Variants in FYB2 observed in about 807,000 individuals in gnomAD.
FYB2 encodes the protein FYN binding protein 2, also known as FYN-binding protein 2.
Under a neutral mutation model 94.1 loss-of-function variants are expected in FYB2, and 103 were observed. The ratio of observed to expected loss-of-function variants is 1.09; its 90% CI spans 0.93 to 1.29. The LOEUF is 1.29. Ranked by LOEUF, FYB2 falls within the 50% of genes most tolerant of loss-of-function variation. FYB2 has a pLI of 0.00. For synonymous variants in FYB2, 293 were observed against 287.9 expected (o/e 1.02, Z -0.18); for missense variants, 896 against 841.5 (o/e 1.06, Z -0.80).
intron 1 of FYB2, among the ~76,000 whole-genome samples, chr1:56,813,727 C>T (rs1199963233): frequency 1.3e-5 from 2 of 152,178 alleles, no homozygotes. Flanking sequence ...GTAGAATTAA[C>T]TGCACTTTGA....
intron 14 of FYB2, among the ~76,000 whole-genome samples, chr1:56,738,076 C>A (rs1004647879): frequency 6.6e-6 from 1 of 152,038 alleles, no homozygotes; most frequent in Admixed American, 6.6e-5. Flanking sequence ...TTGACAAATT[C>A]AATGTACTGA....
chr1:56,807,422 A>C (rs1646672958), intron 1 of FYB2, among the ~76,000 whole-genome samples: 1 of 152,180 alleles, frequency 6.6e-6, no homozygotes, highest in Non-Finnish European at 1.5e-5. Flanking sequence ...CAGGTTTTAC[A>C]GGTGTTAGAT....
At chr1:56,793,712 T>C (rs1646328312) in intron 1 of FYB2, among the ~76,000 whole-genome samples, 1 of 147,328 alleles carries the variant, frequency 6.8e-6, no homozygotes, top group Non-Finnish European at 1.5e-5. Flanking sequence ...CATGTGCCTG[T>C]ACTTCCTGAA....
chr1:56,800,739 G>A lies in FYB2; in HGVS notation c.10-7936C>T, dbSNP rs147619891. Among the ~76,000 whole-genome samples, 8 of 152,168 alleles carry A rather than the reference G, an allele frequency of 5.3e-5. No homozygotes were observed. The East Asian group carries it at 1.6e-3, about 29-fold the overall frequency. ...TGGCCAGTGCTCTTGGTGAGACTGCGCCTCCTCTAGTTGCAAGCACATATG... is the reference window on the plus strand; with the variant it reads ...TGGCCAGTGCTCTTGGTGAGACTGCACCTCCTCTAGTTGCAAGCACATATG... On this transcript the variant is annotated intron_variant, in intron 1 of 19. Coordinates refer to ENST00000343433, the MANE Select transcript of FYB2 (RefSeq NM_001004303.5).
At chr1:56,747,014 ATT>A (rs1645082747) in intron 9 of FYB2, among the ~76,000 whole-genome samples, 1 of 151,722 alleles carries the variant, frequency 6.6e-6, no homozygotes, top group African/African-American at 2.4e-5. Flanking sequence ...TTCATAGTGT[ATT>A]TGCCTTTTGG....
At chr1:56,801,606 T>G (rs1646521344) in intron 1 of FYB2, among the ~76,000 whole-genome samples, 1 of 152,140 alleles carries the variant, frequency 6.6e-6, no homozygotes, top group Non-Finnish European at 1.5e-5. Context: ...ATGAACCGTC[T>G]CCACCACATC....
At position 56,800,321 on chromosome 1, in the gene FYB2, G is replaced by A. The variant is rs1646490306; in HGVS notation, c.10-7518C>T. On this transcript the variant is annotated intron_variant, in intron 1 of 19. Transcript: ENST00000343433. The stretch of plus-strand genomic sequence containing the variant: ...CAATTCAACCTTCACTACTATAAGA[G>A]CTATAATAATGGTGAAACTGTCTGT... Among the ~76,000 whole-genome samples the A allele has an allele frequency of 2.6e-5, 4 of 152,214 alleles. No individual in the cohort carries two copies. In the South Asian group the frequency reaches 8.3e-4, roughly 32 times the overall value.
intron 2 of FYB2, among the ~76,000 whole-genome samples, chr1:56,790,843 C>T (rs2100964486): frequency 6.6e-6 from 1 of 152,220 alleles, no homozygotes; most frequent in South Asian, 2.1e-4. Flanking sequence ...GAAAGCTGAC[C>T]TCGGAAAGTT....
At chr1:56,730,365 G>A (rs1377523042) in intron 15 of FYB2, among the ~76,000 whole-genome samples, 1 of 112,986 alleles carries the variant, frequency 8.9e-6, no homozygotes, top group African/African-American at 3.4e-5. Context: ...AAAGGTAAAC[G>A]GGAGGAGAGG....
intron 16 of FYB2, among the ~76,000 whole-genome samples, chr1:56,724,415 G>A (rs886380724): frequency 1.3e-5 from 2 of 151,998 alleles, no homozygotes; most frequent in Non-Finnish European, 1.5e-5. Context: ...ATTGACAGAA[G>A]TAAAAAAGTC....
chr1:56,757,734 C>CTT (rs767362605), intron 6 of FYB2, among the ~76,000 whole-genome samples: 1 of 104,214 alleles, frequency 9.6e-6, no homozygotes, highest in African/African-American at 3.5e-5. Flanking sequence ...TTCTTTCTTT[C>CTT]ATTCTTTCTT....
chr1:56,773,110 T>A (rs1396813688), intron 4 of FYB2, among the ~76,000 whole-genome samples: 1 of 152,052 alleles, frequency 6.6e-6, no homozygotes, highest in Non-Finnish European at 1.5e-5. Flanking sequence ...AACCAGAAAA[T>A]TTCTAATTTT....
rs749857518 is a variant in FYB2 at position 56,738,601 on chromosome 1, C to T, written c.1732+24G>A. 3.1e-6 allele frequency: 5 copies of T among 1,597,142 alleles called. No individual in the cohort carries two copies. In the Admixed American group the frequency reaches 8.5e-5, roughly 27 times the overall value. ...TATACAAAAGCTGAGTACTTTTGGT[C>T]TGCAATAAGCAAATGGCACTTACCT... is the stretch of plus-strand genomic sequence containing the variant. On this transcript the variant is annotated intron_variant, in intron 14 of 19. Transcript: ENST00000343433.
chr1:56,825,362 C>A, the FYB2 span, among the ~76,000 whole-genome samples: 1 of 152,180 alleles, frequency 6.6e-6, no homozygotes, highest in East Asian at 1.9e-4. Flanking sequence ...AGCAACAGAA[C>A]CTGGAAGCTC....
At chr1:56,738,387 TGG>T (rs566884173) in intron 14 of FYB2, among the ~76,000 whole-genome samples, 9 of 152,110 alleles carry the variant, frequency 5.9e-5, no homozygotes, top group Non-Finnish European at 1.3e-4. Context: ...TTTATTTTTC[TGG>T]GATTTTAAGA....
chr1:56,814,139 T>C (rs1490592220), intron 1 of FYB2, among the ~76,000 whole-genome samples: 2 of 152,204 alleles, frequency 1.3e-5, no homozygotes, highest in African/African-American at 4.8e-5. Flanking sequence ...TGTTCAGCAC[T>C]CTGAAGAAGA....
intron 1 of FYB2, among the ~76,000 whole-genome samples, chr1:56,817,334 C>T (rs904126700): frequency 6.6e-6 from 1 of 152,222 alleles, no homozygotes; most frequent in Non-Finnish European, 1.5e-5. Context: ...ATCCACACAG[C>T]CCATTAATTC....
intron 5 of FYB2, among the ~76,000 whole-genome samples, chr1:56,763,805 A>T (rs543540129): frequency 1.3e-5 from 2 of 150,914 alleles, no homozygotes; most frequent in Admixed American, 1.3e-4. Flanking sequence ...CATTTCATTT[A>T]TTTCTAATCT....
intron 1 of FYB2, among the ~76,000 whole-genome samples, chr1:56,811,755 CCAAA>C (rs10574325): frequency 0.078 from 11,261 of 144,780 alleles, 1,198 homozygotes; most frequent in African/African-American, 0.25. Context: ...TTGTAATGGA[CCAAA>C]CAAACAAACA....
Sources: gnomAD v4.1 joint callset for allele counts (sites outside exome capture counted in the v4.1 genomes callset) on GRCh38, gnomAD v4.1.1 for gene constraint, MANE v1.5 for transcripts, NCBI Gene and HGNC (gene_info 2026-07-23, HGNC 2026-07-21) for gene names.